Variants in NID2 observed in about 807,000 individuals in gnomAD.
NID2 encodes the protein nidogen 2.
In NID2, 83 loss-of-function variants were observed where a neutral mutation model predicts 145.4. The observed-to-expected ratio is 0.57, with a 90% confidence interval of 0.48 to 0.69. NID2 has a LOEUF of 0.69. NID2 is among the 30% of genes least tolerant of loss of function. NID2 has a pLI of 0.00. For missense variants in NID2, 1,807 were observed against 1,765.7 expected, an observed-to-expected ratio of 1.02 and a Z score of -0.42; for synonymous variants, 739 against 701.3, an observed-to-expected ratio of 1.05 and a Z score of -0.85.
At chr14:52,019,437 T>G (rs746566269) in intron 13 of NID2, 143 bp from the exon 14 acceptor site, 5 of 623,684 alleles carry the variant, frequency 8.0e-6, no homozygotes, top group Non-Finnish European at 1.1e-5. Context: ...CTTGCCACTA[T>G]TTACCTCATT....
intron 1 of NID2, among the ~76,000 whole-genome samples, 198 bp downstream of exon 1, chr14:52,068,569 T>A (rs945605546): frequency 2.0e-5 from 3 of 152,158 alleles, no homozygotes; most frequent in Non-Finnish European, 4.4e-5. Context: ...CAATTCTTGC[T>A]CTCCCCTCCA....
intron 9 of NID2, among the ~76,000 whole-genome samples, chr14:52,033,604 A>G (rs556560601): frequency 7.5e-5 from 1 of 13,392 alleles, no homozygotes; most frequent in African/African-American, 2.0e-4. Flanking sequence ...GCTGTTTCAC[A>G]TGAATTCCAA....
At chr14:52,020,578 G>A (rs979483855) in intron 12 of NID2, among the ~76,000 whole-genome samples, 3 of 152,054 alleles carry the variant, frequency 2.0e-5, no homozygotes. Context: ...ATCCAACAAT[G>A]GTTTTTTTTT....
chr14:52,010,740 C>T, intron 18 of NID2, 136 bp downstream of exon 18: 1 of 818,382 alleles, frequency 1.2e-6, no homozygotes, highest in Non-Finnish European at 1.9e-6. Context: ...CTCTTAGATC[C>T]TCAGTAAATC....
At chr14:52,008,252 G>A (rs944884656) in intron 18 of NID2, 7 of 285,652 alleles carry the variant, frequency 2.5e-5, no homozygotes, top group Admixed American at 1.5e-4. Flanking sequence ...AAGCTACCCT[G>A]TAAAGGGGAA....
At chr14:52,012,487 A>G (rs1891067899) in intron 16 of NID2, among the ~76,000 whole-genome samples, 1 of 152,032 alleles carries the variant, frequency 6.6e-6, no homozygotes, top group Non-Finnish European at 1.5e-5. Flanking sequence ...AGTCCCAGCT[A>G]CTCAGGAGAC....
intron 5 of NID2, among the ~76,000 whole-genome samples, chr14:52,048,077 T>C (rs1040838882): frequency 7.2e-5 from 11 of 152,220 alleles, no homozygotes; most frequent in African/African-American, 2.7e-4. Context: ...CTTGGATTTC[T>C]GAGCTAGGTG....
At chr14:52,025,031 A>C (rs983099519) in intron 12 of NID2, among the ~76,000 whole-genome samples, 19 of 152,238 alleles carry the variant, frequency 1.2e-4, no homozygotes, top group Admixed American at 7.9e-4. Flanking sequence ...TAAGGAACTA[A>C]ATATTTTAAA....
At chr14:52,048,338 C>G (rs147998361) in intron 5 of NID2, among the ~76,000 whole-genome samples, 123 of 152,270 alleles carry the variant, frequency 8.1e-4, no homozygotes, top group Middle Eastern at 3.4e-3. Flanking sequence ...CGGTGCTGAG[C>G]CCACGTGCAG....
chr14:52,015,173 TCGCA>T lies in NID2; in HGVS notation c.3127_3130del (p.Cys1043MetfsTer58). ...CAGGGGGATGAAGTGGCCCAGGTCA[TCGCA>T]CTGGGGCACGTACTGGTCATCCCGG... On this transcript the variant is annotated frameshift_variant, in exon 15 of 22. Coordinates refer to ENST00000216286, the MANE Select transcript of NID2 (RefSeq NM_007361.4). LOFTEE classifies it high-confidence loss of function. 1 of 1,613,934 alleles carries T rather than the reference TCGCA, an allele frequency of 6.2e-7. No homozygotes were observed. Among genetic ancestry groups the T allele is most frequent in the Non-Finnish European group, 8.5e-7 (1 of 1,179,974 alleles).
At position 52,042,220 on chromosome 14, in the gene NID2, G is replaced by T; in HGVS notation, c.1710C>A (p.Ser570Arg). The change falls in exon 7 of 22, where the codon AGC (serine) becomes AGA (arginine). Residue 570 changes from serine (S) to arginine (R), a missense_variant. By Grantham distance (110) the Ser-to-Arg change is moderately radical. Coordinates refer to ENST00000216286, the MANE Select transcript of NID2 (RefSeq NM_007361.4). ...GNDGRAYTAISHIPQPAAQAL... is the reference protein window; with the variant it reads ...GNDGRAYTAIRHIPQPAAQAL... Reference sequence around the variant, plus strand: ...CCTGGGCTGCTGGCTGTGGGATGTGGCTGATGGCCGTGTAGGCTCTGCCAT... The same window carrying T: ...CCTGGGCTGCTGGCTGTGGGATGTGTCTGATGGCCGTGTAGGCTCTGCCAT... 1 of 1,614,262 alleles carries T rather than the reference G, an allele frequency of 6.2e-7. No individual in the cohort carries two copies.
chr14:52,006,004 T>C (rs145205706), intron 20 of NID2, 155 bp from the exon 21 acceptor site: 83 of 622,380 alleles, frequency 1.3e-4, no homozygotes, highest in African/African-American at 1.2e-3. Context: ...TTGAAGACCA[T>C]TGCTCTAAAT....
intron 5 of NID2, among the ~76,000 whole-genome samples, chr14:52,046,529 G>A (rs1452210242): frequency 2.0e-5 from 3 of 152,166 alleles, no homozygotes; most frequent in Non-Finnish European, 4.4e-5. Context: ...AGGAGAGACA[G>A]TCTAGATATG....
intron 12 of NID2, among the ~76,000 whole-genome samples, chr14:52,022,092 C>T (rs534182917): frequency 6.6e-6 from 1 of 152,276 alleles, no homozygotes; most frequent in East Asian, 1.9e-4. Flanking sequence ...TTCTGGAGCC[C>T]ATGGAGCAGT....
intron 9 of NID2, among the ~76,000 whole-genome samples, chr14:52,035,856 G>GTGTATATATATATATATATATATA (rs763855059): frequency 3.1e-5 from 2 of 65,282 alleles, no homozygotes; most frequent in African/African-American, 9.3e-5. Context: ...ATTTTTTTGT[G>GTGTATATATATATATATATATATA]TATATATATA....
In NID2 at chr14:52,005,578, G is replaced by GTGTATAAACTAGGTAGATTT. The variant is rs1890741646; in HGVS notation, c.4118-102_4118-83dup. ...TTGCAACAGCAAGTCTTTGCATTTTGTGTATAAACTAGGTAGATTTAAGGT... is the reference window on the plus strand; with the variant it reads ...TTGCAACAGCAAGTCTTTGCATTTTGTGTATAAACTAGGTAGATTTTGTATAAACTAGGTAGATTTAAGGT... On this transcript the variant is annotated intron_variant, in intron 21 of 21. Coordinates refer to ENST00000216286, the MANE Select transcript of NID2 (RefSeq NM_007361.4). 6 of 1,514,498 alleles carry GTGTATAAACTAGGTAGATTT rather than the reference G, an allele frequency of 4.0e-6. No individual in the cohort carries two copies. In the Admixed American group the frequency reaches 9.1e-5, roughly 23 times the overall value. 93.8% of individuals were successfully genotyped at this position (1,514,498 alleles called of 1,614,324 possible).
At chr14:52,042,084 C>T (rs1366241524) in intron 7 of NID2, 21 bp downstream of exon 7, 3 of 1,561,974 alleles carry the variant, frequency 1.9e-6, no homozygotes, top group South Asian at 1.2e-5. Context: ...GACTACCGGC[C>T]TTCTCAGAGG....
intron 14 of NID2, among the ~76,000 whole-genome samples, chr14:52,016,216 G>T (rs921659811): frequency 1.3e-5 from 2 of 152,172 alleles, no homozygotes; most frequent in African/African-American, 4.8e-5. Flanking sequence ...GCTGCAGAAG[G>T]TTATTGAGAT....
intron 9 of NID2, among the ~76,000 whole-genome samples, chr14:52,035,209 C>T (rs987953445): frequency 6.6e-6 from 1 of 152,216 alleles, no homozygotes; most frequent in Non-Finnish European, 1.5e-5. Flanking sequence ...CTATAACCAA[C>T]ATTACAATAT....
Sources: gnomAD v4.1 joint callset for allele counts (sites outside exome capture counted in the v4.1 genomes callset) on GRCh38, gnomAD v4.1.1 for gene constraint, MANE v1.5 for transcripts, NCBI Gene and HGNC (gene_info 2026-07-23, HGNC 2026-07-21) for gene names.